Variants in ATPAF2 observed in about 807,000 individuals in gnomAD.
ATPAF2 encodes ATP12 homolog.
ATPAF2 carries 30 observed loss-of-function variants against 36.6 expected under a neutral mutation model. The ratio of observed to expected loss-of-function variants is 0.82; its 90% CI spans 0.61 to 1.11. ATPAF2 has a LOEUF of 1.11. ATPAF2 is among the 50% of genes most tolerant of loss of function. ATPAF2 has a pLI of 0.00. For synonymous variants in ATPAF2, 140 were observed against 152.6 expected (o/e 0.92, Z 0.61); for missense variants, 321 against 372.3 (o/e 0.86, Z 1.13).
At chr17:18,026,020 C>T (rs1430419064) in intron 4 of ATPAF2, 7 of 496,014 alleles carry the variant, frequency 1.4e-5, no homozygotes, top group Non-Finnish European at 2.2e-5. Context: ...AGGTCACAGG[C>T]CCCCCTAGGC....
chr17:18,036,304 G>A (rs894941413), intron 1 of ATPAF2, among the ~76,000 whole-genome samples: 1 of 152,150 alleles, frequency 6.6e-6, no homozygotes, highest in Admixed American at 6.6e-5. Flanking sequence ...GGCCGGGCGC[G>A]GTGGCTCATG....
chr17:18,019,183 A>ACACACACACACACACACACCCCAC (rs1396685458), intron 7 of ATPAF2, among the ~76,000 whole-genome samples: 4 of 150,714 alleles, frequency 2.7e-5, no homozygotes, highest in African/African-American at 9.8e-5. Context: ...ACACACACAC[A>ACACACACACACACACACACCCCAC]CACCCCACCA....
At chr17:18,030,514 A>G (rs1267834513) in intron 1 of ATPAF2, among the ~76,000 whole-genome samples, 75 of 101,348 alleles carry the variant, frequency 7.4e-4, no homozygotes, top group Middle Eastern at 5.0e-3. Flanking sequence ...TCTCTTGGGG[A>G]AAAAAAAAAA....
intron 1 of ATPAF2, among the ~76,000 whole-genome samples, chr17:18,037,090 C>A (rs114944672): frequency 6.6e-6 from 1 of 152,034 alleles, no homozygotes; most frequent in Non-Finnish European, 1.5e-5. Flanking sequence ...TAAATAAATA[C>A]GTAAATAAAT....
chr17:18,038,816 C>T (rs1338272089), intron 1 of ATPAF2, 65 bp downstream of exon 1: 2 of 1,603,740 alleles, frequency 1.2e-6, no homozygotes, highest in East Asian at 2.2e-5. Context: ...CTTTGCACAG[C>T]CGAAGCCCGA....
At chr17:18,036,805 GC>G (rs944903417) in intron 1 of ATPAF2, among the ~76,000 whole-genome samples, 2 of 152,216 alleles carry the variant, frequency 1.3e-5, no homozygotes, top group African/African-American at 4.8e-5. Context: ...AGGCATGGTG[GC>G]TCACGCCTGT....
chr17:18,034,308 GGT>G (rs2044675272), intron 1 of ATPAF2, among the ~76,000 whole-genome samples: 1 of 152,102 alleles, frequency 6.6e-6, no homozygotes, highest in South Asian at 2.1e-4. Flanking sequence ...TGGAGGCTGA[GGT>G]GTGAGGCTCG....
chr17:18,016,747 C>T, downstream of ATPAF2: 1 of 877,178 alleles, frequency 1.1e-6, no homozygotes, highest in Non-Finnish European at 1.9e-6. Context: ...ACACGCCTCA[C>T]CCGCACCTCT....
chr17:18,033,377 AAAG>A (rs1206845571), intron 1 of ATPAF2, among the ~76,000 whole-genome samples: 1 of 151,820 alleles, frequency 6.6e-6, no homozygotes, highest in Non-Finnish European at 1.5e-5. Context: ...AAAAAAAAAA[AAAG>A]AACATGATCT....
At chr17:18,038,274 G>GA (rs2044734059) in intron 1 of ATPAF2, among the ~76,000 whole-genome samples, 1 of 152,218 alleles carries the variant, frequency 6.6e-6, no homozygotes, top group Non-Finnish European at 1.5e-5. Context: ...CATCAGCAAT[G>GA]AAAGAGCCAC....
chr17:18,022,594 CTT>C (rs34473758), intron 5 of ATPAF2, among the ~76,000 whole-genome samples: 17 of 121,376 alleles, frequency 1.4e-4, no homozygotes, highest in Non-Finnish European at 1.8e-4. Flanking sequence ...TTTTTTCAAA[CTT>C]TTTTTTTTTT....
rs1182269608 is a variant in ATPAF2 at position 18,039,039 on chromosome 17, G to A, written c.-26C>T. 2.5e-6 allele frequency: 4 copies of A among 1,575,620 alleles called. No individual in the cohort carries two copies. The highest frequency in any genetic ancestry group is 1.9e-5 in the Admixed American group (1 of 53,146). On this transcript the variant is annotated 5_prime_UTR_variant, in exon 1 of 8. Transcript: ENST00000474627. This position sits in a 1 kb window ranked among gnomAD's most constrained non-coding sequence, Gnocchi z 5.3. ...CGCGCCCGAGGGTCTGGGAAGATGC[G>A]AGACGCGAAACCTGGAGCAGGAAAC...
intron 1 of ATPAF2, among the ~76,000 whole-genome samples, chr17:18,036,470 G>T (rs1362787691): frequency 6.6e-6 from 1 of 151,834 alleles, no homozygotes; most frequent in East Asian, 1.9e-4. Flanking sequence ...CAGCTACTCG[G>T]GACGCTGAGG....
At chr17:18,018,732 G>A (rs1481154586) in intron 7 of ATPAF2, 46 bp from the exon 8 acceptor site, 1 of 1,613,132 alleles carries the variant, frequency 6.2e-7, no homozygotes, top group African/African-American at 1.3e-5. Context: ...GCCAGTGCCT[G>A]GCTGCCTCCT....
At chr17:18,035,773 C>A (rs972591504) in intron 1 of ATPAF2, among the ~76,000 whole-genome samples, 5 of 152,164 alleles carry the variant, frequency 3.3e-5, no homozygotes, top group African/African-American at 1.2e-4. Flanking sequence ...CAGGCTGGAC[C>A]CTGATCTACA....
At chr17:18,038,695 C>G (rs1266980306) in intron 1 of ATPAF2, among the ~76,000 whole-genome samples, 186 bp downstream of exon 1, 2 of 152,236 alleles carry the variant, frequency 1.3e-5, no homozygotes, top group Admixed American at 1.3e-4. Flanking sequence ...GCGTGACTCG[C>G]TGTTCCCTCT....
intron 1 of ATPAF2, among the ~76,000 whole-genome samples, chr17:18,034,840 T>C (rs987931603): frequency 4.6e-5 from 7 of 152,202 alleles, no homozygotes; most frequent in Non-Finnish European, 7.3e-5. Context: ...TGTCCACCAA[T>C]GGATGAATGG....
At chr17:18,038,281 C>T (rs2044734220) in intron 1 of ATPAF2, among the ~76,000 whole-genome samples, 1 of 152,198 alleles carries the variant, frequency 6.6e-6, no homozygotes, top group South Asian at 2.1e-4. Flanking sequence ...AATGAAAGAG[C>T]CACTACTTCT....
chr17:18,020,678 CTTT>C (rs748358852), intron 7 of ATPAF2: 97 of 146,248 alleles, frequency 6.6e-4, no homozygotes, highest in South Asian at 1.4e-3. Context: ...ATTATCTTAC[CTTT>C]TTTTTTTTTT....
Sources: allele counts gnomAD v4.1 joint callset (sites outside exome capture counted in the v4.1 genomes callset), GRCh38; gene constraint gnomAD v4.1.1; non-coding constraint Gnocchi (gnomAD v3.1); transcripts MANE v1.5; gene names NCBI Gene and HGNC (gene_info 2026-07-23, HGNC 2026-07-21).